Variants in PPP6R3 observed in about 807,000 individuals in gnomAD.
PPP6R3 encodes the protein serine/threonine-protein phosphatase 6 regulatory subunit 3.
In PPP6R3, 38 loss-of-function variants were observed where a neutral mutation model predicts 110.7. The ratio of observed to expected loss-of-function variants is 0.34; its 90% CI spans 0.26 to 0.45. The LOEUF (loss-of-function observed/expected upper bound fraction) is 0.45, where lower values mean the gene tolerates loss of function less well. PPP6R3 is among the 20% of genes least tolerant of loss of function. The probability of loss-of-function intolerance (pLI) is 1.00; values close to 1 mark genes in which losing one functional copy is unlikely to be tolerated. For missense variants in PPP6R3, 870 were observed against 1,062.4 expected (o/e 0.82, Z 2.52); for synonymous variants, 369 against 373.5 (o/e 0.99, Z 0.14).
intron 17 of PPP6R3, among the ~76,000 whole-genome samples, 194 bp from the exon 18 acceptor site, chr11:68,591,382 C>T (rs1290686274): frequency 6.6e-6 from 1 of 152,154 alleles, no homozygotes; most frequent in East Asian, 1.9e-4. Context: ...TTAGGGAAAC[C>T]CAGTCTTTTT....
At chr11:68,568,190 A>G (rs2099486659) in intron 10 of PPP6R3, among the ~76,000 whole-genome samples, 1 of 152,122 alleles carries the variant, frequency 6.6e-6, no homozygotes, top group South Asian at 2.1e-4. Flanking sequence ...AAAGAATTAC[A>G]GTTTCTTTGA....
At chr11:68,471,794 G>C (rs1304347136) in intron 1 of PPP6R3, among the ~76,000 whole-genome samples, 1 of 152,140 alleles carries the variant, frequency 6.6e-6, no homozygotes, top group Admixed American at 6.5e-5. Context: ...ACATTCTTGG[G>C]AAGGCAGCAG....
At chr11:68,579,624 G>C (rs942405157) in intron 14 of PPP6R3, among the ~76,000 whole-genome samples, 1 of 152,200 alleles carries the variant, frequency 6.6e-6, no homozygotes, top group African/African-American at 2.4e-5. Flanking sequence ...AGTGGAGATG[G>C]ATAAACAAAT....
chr11:68,554,109 A>G, intron 6 of PPP6R3, 36 bp from the exon 7 acceptor site: 1 of 1,421,250 alleles, frequency 7.0e-7, no homozygotes, highest in East Asian at 2.3e-5. Context: ...AACTTCTAAC[A>G]TGTTTTATGG....
chr11:68,544,953 C>G lies in PPP6R3; in HGVS notation c.343C>G (p.Pro115Ala), dbSNP rs905201718. 9 of 1,607,590 alleles carry G rather than the reference C, an allele frequency of 5.6e-6. No homozygotes were observed. The Admixed American group carries it at 6.7e-5, about 12-fold the overall frequency. The change falls in exon 4 of 24, where the codon CCT (proline) becomes GCT (alanine). Residue 115 changes from proline to alanine, a missense_variant. Coordinates refer to ENST00000393800, the MANE Select transcript of PPP6R3 (RefSeq NM_001164161.2). ...ATATAGCTTCCTCCTAAACGATTCCCCTTTGAATCCACTACTTGCCAGTTT... is the reference window on the plus strand; with the variant it reads ...ATATAGCTTCCTCCTAAACGATTCCGCTTTGAATCCACTACTTGCCAGTTT... ...KLYSFLLNDS[P>A]LNPLLASFFS...
At chr11:68,575,768 A>G (rs952237447) in intron 13 of PPP6R3, among the ~76,000 whole-genome samples, 190 bp from the exon 14 acceptor site, 3 of 152,210 alleles carry the variant, frequency 2.0e-5, no homozygotes, top group Non-Finnish European at 4.4e-5. Context: ...ATTTGGGCCT[A>G]TGGAAGGTTT....
intron 12 of PPP6R3, among the ~76,000 whole-genome samples, chr11:68,573,151 T>A (rs1392175280): frequency 2.7e-5 from 3 of 111,976 alleles, no homozygotes; most frequent in African/African-American, 1.0e-4. Context: ...TATATATATA[T>A]ATAATTTTTT....
At chr11:68,581,294 C>G (rs1040885960) in intron 14 of PPP6R3, among the ~76,000 whole-genome samples, 2 of 152,208 alleles carry the variant, frequency 1.3e-5, no homozygotes, top group Admixed American at 1.3e-4. Context: ...GGGGAGGTCA[C>G]AATGTCTGGC....
rs140241826 is a variant in PPP6R3, at chr11:68,483,346, A to G, written c.-158+22519A>G. Among the ~76,000 whole-genome samples, 358 of 152,354 alleles carry G rather than the reference A, an allele frequency of 2.3e-3. 1 individual carries two copies. Among genetic ancestry groups the G allele is most frequent in the African/African-American group, 8.0e-3 (332 of 41,580 alleles). On this transcript the variant is annotated intron_variant, in intron 1 of 23. Coordinates refer to ENST00000393800, the MANE Select transcript of PPP6R3 (RefSeq NM_001164161.2). ...CACCATTTTTAAAAAAGTTCCCAGC[A>G]AAATTGAGCAAAAAATATGGAGGAG...
At position 68,563,794 on chromosome 11, in the gene PPP6R3, T is replaced by G. The variant is rs141720240; in HGVS notation, c.846-509T>G. Among the ~76,000 whole-genome samples the G allele has an allele frequency of 1.6e-4, 24 of 152,354 alleles. No individual in the cohort carries two copies. In the Middle Eastern group the frequency reaches 0.01, roughly 65 times the overall value. ...ACCCAGTTCTCATTCTACCTGTAAT[T>G]GTTTTCCTGCAAGAAGTAGGTTATA... is the stretch of plus-strand genomic sequence containing the variant. On this transcript the variant is annotated intron_variant, in intron 8 of 23. Coordinates refer to ENST00000393800, the MANE Select transcript of PPP6R3 (RefSeq NM_001164161.2).
chr11:68,577,794 TCACTCA>T (rs2099537719), intron 14 of PPP6R3, among the ~76,000 whole-genome samples: 1 of 152,230 alleles, frequency 6.6e-6, no homozygotes, highest in South Asian at 2.1e-4. Flanking sequence ...GCTCCATCTG[TCACTCA>T]GATTGCGTCT....
At chr11:68,510,888 C>A (rs1182437651) in intron 1 of PPP6R3, among the ~76,000 whole-genome samples, 2 of 152,044 alleles carry the variant, frequency 1.3e-5, no homozygotes, top group African/African-American at 2.4e-5. Context: ...TAGTTCTAAC[C>A]AGTGTCTATT....
intron 2 of PPP6R3, 106 bp downstream of exon 2, chr11:68,519,757 G>C: frequency 2.5e-6 from 1 of 394,752 alleles, no homozygotes; most frequent in Non-Finnish European, 4.5e-6. Context: ...GTGGAGACCA[G>C]TCTCTCTGAG....
intron 8 of PPP6R3, among the ~76,000 whole-genome samples, chr11:68,559,908 C>A: frequency 7.4e-6 from 1 of 135,154 alleles, no homozygotes; most frequent in Admixed American, 7.4e-5. Context: ...CTCTTCCCAC[C>A]CCAGCGGTAC....
intron 1 of PPP6R3, among the ~76,000 whole-genome samples, chr11:68,474,199 C>T (rs1297226239): frequency 6.6e-6 from 1 of 152,134 alleles, no homozygotes; most frequent in Non-Finnish European, 1.5e-5. Context: ...CACACACCAC[C>T]ATGCCTGGCT....
rs1283472866 is a variant in PPP6R3 at position 68,519,554 on chromosome 11, A to G, written c.-104A>G. The G allele has an allele frequency of 2.5e-6, 1 of 398,588 alleles. No individual in the cohort carries two copies. The highest frequency in any genetic ancestry group is 3.6e-5 in the East Asian group (1 of 28,068). 24.7% of individuals were successfully genotyped at this position (398,588 alleles called of 1,614,324 possible). ...TGTATTCCTGCTAATCTGCTAATGC[A>G]GTAAATTGGAGGAAAACTGTTACCA... On this transcript the variant is annotated 5_prime_UTR_variant, in exon 2 of 24. Coordinates refer to ENST00000393800, the MANE Select transcript of PPP6R3 (RefSeq NM_001164161.2).
chr11:68,579,275 C>T (rs2099543916), intron 14 of PPP6R3, among the ~76,000 whole-genome samples: 2 of 152,176 alleles, frequency 1.3e-5, no homozygotes, highest in African/African-American at 2.4e-5. Flanking sequence ...ATACGGGCCT[C>T]AGAGTTTAAC....
intron 1 of PPP6R3, among the ~76,000 whole-genome samples, chr11:68,461,101 C>T (rs1053670975): frequency 2.6e-4 from 39 of 151,130 alleles, no homozygotes; most frequent in Non-Finnish European, 4.7e-4. Flanking sequence ...CTTTGTGCCT[C>T]GTTGACGTTC....
rs377099693 is a variant in PPP6R3 at position 68,571,023 on chromosome 11, C to CTTT, written c.1279-6_1279-4dup. On this transcript the variant is annotated splice_polypyrimidine_tract_variant and intron_variant, in intron 11 of 23. Transcript: ENST00000393800. ...GCTTTGAAGTATTAACTGGAATATT[C>CTTT]TTTTTTTTTTTTTCAGCTTTTCCAA... 1.3e-5 allele frequency: 16 copies of CTTT among 1,233,024 alleles called. No individual in the cohort carries two copies. The highest frequency in any genetic ancestry group is 7.9e-5 in the African/African-American group (5 of 63,266). The allele number at this position is 1,233,024 out of a possible 1,614,324, so 76.4% of individuals were successfully genotyped here. A position where few individuals can be genotyped will look rare whatever the true frequency, so the allele number is the denominator to read the frequency against.
Sources: gnomAD v4.1 joint callset for allele counts (sites outside exome capture counted in the v4.1 genomes callset) on GRCh38, gnomAD v4.1.1 for gene constraint, MANE v1.5 for transcripts, NCBI Gene and HGNC (gene_info 2026-07-23, HGNC 2026-07-21) for gene names.